Variants in FOXP2 observed in about 807,000 individuals in gnomAD.
FOXP2 encodes forkhead box P2, also known as forkhead box protein P2.
Under a neutral mutation model 115.8 loss-of-function variants are expected in FOXP2, and 12 were observed. The observed-to-expected ratio is 0.10, with a 90% CI of 0.07 to 0.17. The LOEUF is 0.17. Among genes scored for constraint, FOXP2 ranks in the 10% least tolerant of loss-of-function variants. The pLI is 1.00. For missense variants in FOXP2, 629 were observed against 843.5 expected (o/e 0.75, Z 3.15); for synonymous variants, 328 against 297.7 (o/e 1.10, Z -1.05).
chr7:114,132,559 G>GTT lies in FOXP2; in HGVS notation c.-246-30384_-246-30383insTT, dbSNP rs1770302283. ...AGATAAATTGTGTGTGTGTGTGTGT[G>GTT]TGTGTGTGTGTGTGTGTGTGTGTGA... is the stretch of plus-strand genomic sequence containing the variant. On this transcript the variant is annotated intron_variant, in intron 1 of 19. Coordinates refer to the FOXP2 transcript ENST00000635638. Among the ~76,000 whole-genome samples, 3 of 127,132 alleles carry GTT rather than the reference G, an allele frequency of 2.4e-5. No homozygotes were observed. The Admixed American group carries it at 2.5e-4, about 11-fold the overall frequency. 83.4% of individuals were successfully genotyped at this position (127,132 alleles called of 152,430 possible). A position where few individuals can be genotyped will look rare whatever the true frequency, so the allele number is the denominator to read the frequency against.
intron 3 of FOXP2, among the ~76,000 whole-genome samples, chr7:114,600,303 CT>C (rs752204541): frequency 6.6e-6 from 1 of 152,134 alleles, no homozygotes; most frequent in Non-Finnish European, 1.5e-5. Context: ...ACTTCTTTTA[CT>C]TGGCAATGTG....
At chr7:114,157,018 A>G (rs1158947643) in intron 1 of FOXP2, among the ~76,000 whole-genome samples, 21 of 152,136 alleles carry the variant, frequency 1.4e-4, no homozygotes, top group Non-Finnish European at 4.4e-5. Context: ...TTTATTTGGA[A>G]ATAATGGCAG....
intron 1 of FOXP2, among the ~76,000 whole-genome samples, chr7:114,099,512 C>CA (rs1441516541): frequency 2.0e-5 from 3 of 152,178 alleles, no homozygotes; most frequent in Admixed American, 6.5e-5. Context: ...CCACAAATCC[C>CA]TCTTCTAGGC....
At chr7:114,466,607 G>C (rs1334842066) in intron 2 of FOXP2, among the ~76,000 whole-genome samples, 1 of 152,112 alleles carries the variant, frequency 6.6e-6, no homozygotes, top group African/African-American at 2.4e-5. Context: ...GATTTCTCCA[G>C]TCTTGGGCCC....
At chr7:114,192,232 G>A (rs1202580818) in intron 1 of FOXP2, among the ~76,000 whole-genome samples, 1 of 152,052 alleles carries the variant, frequency 6.6e-6, no homozygotes, top group African/African-American at 2.4e-5. Flanking sequence ...TGATCTGCCC[G>A]CCTTTGCCTC....
At chr7:114,195,958 A>G (rs573525575) in intron 1 of FOXP2, among the ~76,000 whole-genome samples, 107 of 152,312 alleles carry the variant, frequency 7.0e-4, no homozygotes, top group Non-Finnish European at 1.3e-3. Flanking sequence ...CTCCTAAAAA[A>G]GAAATAAAAA....
chr7:114,087,278 G>A (rs1233047180), upstream of FOXP2, among the ~76,000 whole-genome samples: 2 of 152,182 alleles, frequency 1.3e-5, no homozygotes, highest in African/African-American at 2.4e-5. Flanking sequence ...AAACTCCTGG[G>A]CCCTACTGAC....
At chr7:114,531,647 A>C (rs1799148765) in intron 2 of FOXP2, among the ~76,000 whole-genome samples, 1 of 151,980 alleles carries the variant, frequency 6.6e-6, no homozygotes, top group South Asian at 2.1e-4. Flanking sequence ...CTCTACCAAA[A>C]GAATGTTGAA....
chr7:114,391,667 A>C (rs538151898), intron 2 of FOXP2, among the ~76,000 whole-genome samples: 1 of 152,292 alleles, frequency 6.6e-6, no homozygotes, highest in South Asian at 2.1e-4. Flanking sequence ...ACATATTCCT[A>C]TTTAAAATAT....
At chr7:114,475,029 G>A (rs538844892) in intron 2 of FOXP2, among the ~76,000 whole-genome samples, 44 of 152,090 alleles carry the variant, frequency 2.9e-4, no homozygotes, top group Non-Finnish European at 5.0e-4. Flanking sequence ...AACATAGTCT[G>A]TATGAGTCTG....
At chr7:114,689,060 C>T (rs1409129429) in intron 16 of FOXP2, among the ~76,000 whole-genome samples, 1 of 152,060 alleles carries the variant, frequency 6.6e-6, no homozygotes, top group Non-Finnish European at 1.5e-5. Context: ...ATCACAGTGA[C>T]CTTTCTAATA....
At chr7:114,282,814 C>T (rs978073978) in intron 1 of FOXP2, among the ~76,000 whole-genome samples, 1 of 152,140 alleles carries the variant, frequency 6.6e-6, no homozygotes, top group Middle Eastern at 3.4e-3. Flanking sequence ...AACATTTTAG[C>T]TATTTATTTT....
chr7:114,498,899 A>G (rs1209656002), intron 2 of FOXP2: 2 of 718,020 alleles, frequency 2.8e-6, no homozygotes, highest in Admixed American at 4.0e-5. Flanking sequence ...GTTGTCTCTT[A>G]CACCCAGGTT....
chr7:114,186,614 G>T (rs1224220444), intron 1 of FOXP2, among the ~76,000 whole-genome samples: 2 of 152,084 alleles, frequency 1.3e-5, no homozygotes, highest in South Asian at 4.1e-4. Flanking sequence ...CTGCAACTTT[G>T]CCAGGTTGGT....
At chr7:114,196,565 C>T (rs1401387134) in intron 1 of FOXP2, among the ~76,000 whole-genome samples, 1 of 152,126 alleles carries the variant, frequency 6.6e-6, no homozygotes, top group Admixed American at 6.6e-5. Flanking sequence ...GTAAAATGCA[C>T]TCTTAGTGTT....
At chr7:114,660,066 G>A (rs978436103) in intron 13 of FOXP2, among the ~76,000 whole-genome samples, 2 of 152,106 alleles carry the variant, frequency 1.3e-5, no homozygotes, top group Non-Finnish European at 2.9e-5. Context: ...CTTGGTCTGC[G>A]CCTTTTGTAC....
At chr7:114,504,072 C>T (rs945754332) in intron 2 of FOXP2, among the ~76,000 whole-genome samples, 5 of 151,300 alleles carry the variant, frequency 3.3e-5, no homozygotes, top group East Asian at 3.9e-4. Flanking sequence ...ATTTTGAAAG[C>T]GATTGCACAG....
chr7:114,257,065 C>T (rs560381688), intron 1 of FOXP2, among the ~76,000 whole-genome samples: 2 of 152,258 alleles, frequency 1.3e-5, no homozygotes, highest in South Asian at 4.1e-4. Context: ...CTACAGTAAA[C>T]AAAACAGCAT....
intron 2 of FOXP2, among the ~76,000 whole-genome samples, chr7:114,303,441 T>A (rs553710807): frequency 6.6e-6 from 1 of 152,160 alleles, no homozygotes; most frequent in Non-Finnish European, 1.5e-5. Flanking sequence ...AGTCATTGAG[T>A]GATGTTAGTA....
Sources: allele counts gnomAD v4.1 joint callset (sites outside exome capture counted in the v4.1 genomes callset), GRCh38; gene constraint gnomAD v4.1.1; transcripts MANE v1.5; gene names NCBI Gene and HGNC (gene_info 2026-07-23, HGNC 2026-07-21).